Variants in ARHGAP25 observed in about 807,000 individuals in gnomAD.
ARHGAP25 encodes Rho GTPase activating protein 25, also known as rho GTPase-activating protein 25.
A neutral mutation model predicts 71.0 loss-of-function variants in ARHGAP25; 34 were observed. The ratio of observed to expected loss-of-function variants is 0.48; its 90% confidence interval spans 0.36 to 0.64. ARHGAP25 has a LOEUF of 0.64. Ranked by LOEUF, ARHGAP25 falls within the 30% of genes least tolerant of loss-of-function variation. The probability of loss-of-function intolerance (pLI) is 0.00; values close to 1 mark genes in which losing one functional copy is unlikely to be tolerated. For missense variants in ARHGAP25, 706 were observed against 805.1 expected, an observed-to-expected ratio of 0.88 and a Z score of 1.49; for synonymous variants, 282 against 296.5, an observed-to-expected ratio of 0.95 and a Z score of 0.50.
intron 1 of ARHGAP25, among the ~76,000 whole-genome samples, chr2:68,739,064 G>A (rs1319388481): frequency 6.6e-6 from 1 of 152,180 alleles, no homozygotes; most frequent in Non-Finnish European, 1.5e-5. Flanking sequence ...GGCCATTTGA[G>A]GAAAAAGGAC....
intron 1 of ARHGAP25, among the ~76,000 whole-genome samples, chr2:68,743,053 T>G (rs1431957546): frequency 1.3e-5 from 2 of 152,240 alleles, no homozygotes. Flanking sequence ...AATGATAGCT[T>G]CTGGTAAGTT....
chr2:68,744,020 T>A (rs1675673390), intron 1 of ARHGAP25, among the ~76,000 whole-genome samples: 1 of 152,316 alleles, frequency 6.6e-6, no homozygotes, highest in Non-Finnish European at 1.5e-5. Flanking sequence ...TTTTTAGTAC[T>A]CATGGTTAGA....
At chr2:68,782,824 T>G (rs1044639416) in intron 3 of ARHGAP25, among the ~76,000 whole-genome samples, 1 of 152,226 alleles carries the variant, frequency 6.6e-6, no homozygotes, top group Non-Finnish European at 1.5e-5. Context: ...GGTGCCTCTT[T>G]CAAATCAAGA....
chr2:68,819,214 T>C lies in ARHGAP25; in HGVS notation c.1095T>C (p.Pro365=), dbSNP rs1355795138. The C allele has an allele frequency of 2.5e-6, 4 of 1,614,038 alleles. No individual in the cohort carries two copies. Among genetic ancestry groups the C allele is most frequent in the African/African-American group, 1.3e-5 (1 of 74,922 alleles). Residue 365 remains proline (P), a synonymous_variant, in exon 9 of 11, where the codon CCT becomes CCC. Transcript: ENST00000409202. ...CCAAGGATATACCCCTGTCACCCCC[T>C]GCCCAGAAAAATGACCCCAAGAAAG... ...PKSKDIPLSP[P]AQKNDPKKAP...
rs78253186 is a variant in ARHGAP25 at position 68,759,071 on chromosome 2, A to G, written c.62-16150A>G. 2.8e-3 allele frequency among the ~76,000 whole-genome samples: 424 copies of G among 152,012 alleles called. 3 individuals carry two copies. The East Asian group carries it at 0.044, about 16-fold the overall frequency. ...CTTAGAGGTGAATGAAAACAAAAAC[A>G]CTACATGTCAAAACTATGGAAAACA... On this transcript the variant is annotated intron_variant, in intron 1 of 10. Transcript: ENST00000409202.
chr2:68,726,861 T>G (rs1208988225), intron 2 of ARHGAP25, among the ~76,000 whole-genome samples: 1 of 151,984 alleles, frequency 6.6e-6, no homozygotes, highest in East Asian at 1.9e-4. Context: ...CTCTGCCAGG[T>G]CTGCCTCTGC....
Position 68,767,589 on chromosome 2 carries a change from A to G in ARHGAP25, c.62-7632A>G, listed in dbSNP as rs1322954031. Among the ~76,000 whole-genome samples the G allele has an allele frequency of 1.3e-5, 2 of 152,038 alleles. No homozygotes were observed. The highest frequency in any genetic ancestry group is 3.9e-4 in the East Asian group (2 of 5,192). ...GTGGGCCTGACTGCCGGCCCACGGT[A>G]GCTTAGCTCACTCTCTCTCCCTCCC... On this transcript the variant is annotated intron_variant, in intron 1 of 10. Transcript: ENST00000409202. The surrounding 1 kb of genome is among the most constrained non-coding windows in gnomAD (Gnocchi z 4.6).
intron 2 of ARHGAP25, among the ~76,000 whole-genome samples, chr2:68,729,792 C>T (rs1390128300): frequency 1.3e-5 from 2 of 152,156 alleles, no homozygotes; most frequent in Non-Finnish European, 2.9e-5. Context: ...ATTCACCCAT[C>T]AAAGTGTACA....
intron 1 of ARHGAP25, among the ~76,000 whole-genome samples, chr2:68,741,559 C>T (rs1177280839): frequency 6.6e-6 from 1 of 152,146 alleles, no homozygotes; most frequent in African/African-American, 2.4e-5. Flanking sequence ...AATTTCCATA[C>T]TTTAAAAAAT....
chr2:68,807,184 G>A (rs777162876), intron 4 of ARHGAP25, 89 bp from the exon 5 acceptor site: 10 of 1,318,884 alleles, frequency 7.6e-6, no homozygotes, highest in Middle Eastern at 1.8e-4. Flanking sequence ...AATAAAACCT[G>A]TGAAGACACA....
chr2:68,781,964 A>G (rs941281395), intron 2 of ARHGAP25, among the ~76,000 whole-genome samples: 6 of 152,148 alleles, frequency 3.9e-5, no homozygotes, highest in Non-Finnish European at 5.9e-5. Context: ...GGAAGAGGCA[A>G]GTATTGGTGA....
rs1682130065 is a variant in ARHGAP25, at chr2:68,826,289, T to C, written c.*95T>C. 1.7e-6 allele frequency: 2 copies of C among 1,170,238 alleles called. No individual in the cohort carries two copies. Among genetic ancestry groups the C allele is most frequent in the Non-Finnish European group, 1.3e-6 (1 of 787,642 alleles). 72.5% of individuals were successfully genotyped at this position (1,170,238 alleles called of 1,614,324 possible). ...ATGACGGGGAAACAAAATTATTCTC[T>C]GAGAGGGAAAGGACATTTGAGGGAA... On this transcript the variant is annotated 3_prime_UTR_variant, in exon 11 of 11. Coordinates refer to ENST00000409202, the MANE Select transcript of ARHGAP25 (RefSeq NM_001007231.3).
intron 2 of ARHGAP25, among the ~76,000 whole-genome samples, chr2:68,725,146 C>G (rs1304825417): frequency 6.6e-6 from 1 of 152,144 alleles, no homozygotes; most frequent in East Asian, 1.9e-4. Context: ...GCCTTGCTCC[C>G]TGCATCACCT....
At chr2:68,717,474 C>T (rs1674641944) in intron 2 of ARHGAP25, among the ~76,000 whole-genome samples, 1 of 152,186 alleles carries the variant, frequency 6.6e-6, no homozygotes, top group Non-Finnish European at 1.5e-5. Flanking sequence ...GCTTTAGACA[C>T]TTCCTCTGCA....
rs75509570 is a variant in ARHGAP25 at position 68,715,573 on chromosome 2, G to A, written c.-18+4875G>A. ...TGGGAAGAGTAAGAGGCATTGCACC[G>A]GGTGCTTTCCCGTGTAGGTGAGAGG... On this transcript the variant is annotated intron_variant and NMD_transcript_variant, in intron 2 of 7. Transcript: ENST00000463483. 5.5e-3 allele frequency among the ~76,000 whole-genome samples: 832 copies of A among 152,154 alleles called. 3 individuals are homozygous for A. The highest frequency in any genetic ancestry group is 0.01 in the Non-Finnish European group (690 of 67,990).
chr2:68,735,321 A>C, intron 1 of ARHGAP25, 61 bp downstream of exon 1: 2 of 1,523,682 alleles, frequency 1.3e-6, no homozygotes, highest in Non-Finnish European at 9.1e-7. Flanking sequence ...CACCATTTGC[A>C]TGTTGGTCTG....
At chr2:68,782,457 G>T in intron 3 of ARHGAP25, 137 bp downstream of exon 3, 2 of 704,538 alleles carry the variant, frequency 2.8e-6, no homozygotes, top group Admixed American at 2.6e-5. Context: ...GCCCACAATG[G>T]TTCTTTATAC....
intron 2 of ARHGAP25, chr2:68,775,801 G>A (rs1040046430): frequency 2.3e-6 from 1 of 434,230 alleles, no homozygotes; most frequent in East Asian, 6.7e-5. Flanking sequence ...TTTATTATAT[G>A]CCACACACTG....
At chr2:68,795,686 A>G (rs1376075357) in intron 4 of ARHGAP25, among the ~76,000 whole-genome samples, 26 of 152,134 alleles carry the variant, frequency 1.7e-4, no homozygotes, top group Admixed American at 1.7e-3. Context: ...GGCCTGACAT[A>G]TGGCCTGTCT....
Sources: gnomAD v4.1 joint callset for allele counts (sites outside exome capture counted in the v4.1 genomes callset) on GRCh38, gnomAD v4.1.1 for gene constraint, Gnocchi (gnomAD v3.1) non-coding constraint, MANE v1.5 for transcripts, NCBI Gene and HGNC (gene_info 2026-07-23, HGNC 2026-07-21) for gene names.